RGS7: variants seen among roughly 807,000 people sequenced by gnomAD.
RGS7 encodes regulator of G-protein signaling 7.
In RGS7, 27 loss-of-function variants were observed where a neutral mutation model predicts 81.1. That is an observed-to-expected ratio of 0.33 (90% CI 0.25 to 0.46). The LOEUF (loss-of-function observed/expected upper bound fraction) is 0.46. Ranked by LOEUF, RGS7 falls within the 20% of genes least tolerant of loss-of-function variation. The probability of loss-of-function intolerance (pLI) is 1.00; values close to 1 mark genes in which losing one functional copy is unlikely to be tolerated. For missense variants in RGS7, 396 were observed against 607.4 expected (o/e 0.65, Z 3.66); for synonymous variants, 208 against 207.7 (o/e 1.00, Z -0.01).
intron 3 of RGS7, among the ~76,000 whole-genome samples, chr1:241,063,247 T>C (rs2061842125): frequency 6.6e-6 from 1 of 152,132 alleles, no homozygotes; most frequent in Admixed American, 6.5e-5. Flanking sequence ...AAATAGGAGT[T>C]CTAAGGGGCA....
At chr1:241,296,771 GC>G (rs538649915) in intron 2 of RGS7, among the ~76,000 whole-genome samples, 262 of 152,366 alleles carry the variant, frequency 1.7e-3, no homozygotes, top group African/African-American at 6.2e-3. Flanking sequence ...GGCTGCAGGT[GC>G]CTGCAAGCAC....
chr1:241,332,054 C>T (rs1019695833), intron 2 of RGS7, among the ~76,000 whole-genome samples: 1 of 152,174 alleles, frequency 6.6e-6, no homozygotes, highest in Non-Finnish European at 1.5e-5. Flanking sequence ...ACCTCTGTTA[C>T]AGTCTTTACA....
intron 2 of RGS7, among the ~76,000 whole-genome samples, chr1:241,260,233 G>A (rs549924514): frequency 2.2e-4 from 33 of 152,112 alleles, no homozygotes; most frequent in Admixed American, 6.5e-4. Context: ...ATTGCTTCTC[G>A]TAGGGAACTC....
At chr1:240,939,489 T>A (rs1418238662) in intron 4 of RGS7, among the ~76,000 whole-genome samples, 2 of 152,194 alleles carry the variant, frequency 1.3e-5, no homozygotes, top group African/African-American at 4.8e-5. Flanking sequence ...TAAGAGGATC[T>A]AGAAAGATAG....
At chr1:240,952,220 A>C (rs1679680147) in intron 4 of RGS7, among the ~76,000 whole-genome samples, 1 of 152,142 alleles carries the variant, frequency 6.6e-6, no homozygotes, top group Non-Finnish European at 1.5e-5. Flanking sequence ...GAAGAAATAA[A>C]GGTAAAACAA....
chr1:241,156,630 C>A (rs913738781), intron 2 of RGS7, among the ~76,000 whole-genome samples: 4 of 151,394 alleles, frequency 2.6e-5, no homozygotes, highest in Non-Finnish European at 5.9e-5. Context: ...ATCCCTTCAC[C>A]GAAGACTTGT....
At chr1:241,246,328 T>C (rs1202521003) in intron 2 of RGS7, among the ~76,000 whole-genome samples, 2 of 152,074 alleles carry the variant, frequency 1.3e-5, no homozygotes, top group African/African-American at 2.4e-5. Context: ...TTTCCACTTG[T>C]CATATATATA....
intron 2 of RGS7, among the ~76,000 whole-genome samples, chr1:241,337,377 T>C (rs191617402): frequency 2.6e-5 from 4 of 152,234 alleles, no homozygotes; most frequent in South Asian, 4.2e-4. Flanking sequence ...CCAGAGTATA[T>C]TGCTGTAGCA....
intron 5 of RGS7, among the ~76,000 whole-genome samples, chr1:240,934,026 C>G (rs1299245796): frequency 1.3e-5 from 2 of 152,074 alleles, no homozygotes; most frequent in Non-Finnish European, 2.9e-5. Flanking sequence ...TGCAGTGGCA[C>G]CATCTTGGCT....
intron 2 of RGS7, among the ~76,000 whole-genome samples, chr1:241,307,076 G>A (rs1484122544): frequency 6.6e-6 from 1 of 152,192 alleles, no homozygotes; most frequent in Admixed American, 6.5e-5. Flanking sequence ...AGATTCTATT[G>A]TATTTCCCAT....
intron 6 of RGS7, among the ~76,000 whole-genome samples, chr1:240,897,960 G>A (rs1456329297): frequency 6.6e-6 from 1 of 152,072 alleles, no homozygotes; most frequent in Non-Finnish European, 1.5e-5. Flanking sequence ...CAATTTCAAA[G>A]CCTGTTATTG....
chr1:241,078,725 C>A (rs2062968300), intron 3 of RGS7, among the ~76,000 whole-genome samples: 1 of 152,176 alleles, frequency 6.6e-6, no homozygotes, highest in South Asian at 2.1e-4. Flanking sequence ...TAAATTAATA[C>A]ATTTAAGGAA....
chr1:241,139,955 A>G (rs937303421), intron 2 of RGS7, among the ~76,000 whole-genome samples: 2 of 152,188 alleles, frequency 1.3e-5, no homozygotes, highest in African/African-American at 2.4e-5. Flanking sequence ...CTTTTAGAGA[A>G]TGGCACCCAA....
At chr1:240,798,546 T>G (rs1026942833) in intron 18 of RGS7, among the ~76,000 whole-genome samples, 1 of 152,106 alleles carries the variant, frequency 6.6e-6, no homozygotes, top group African/African-American at 2.4e-5. Context: ...TCCGTGGAAA[T>G]AGCACTGGGG....
chr1:241,162,222 G>GCGACCCCCCCCCGCCCC (rs68166816), intron 2 of RGS7, among the ~76,000 whole-genome samples: 1 of 142,028 alleles, frequency 7.0e-6, no homozygotes, highest in Admixed American at 7.0e-5. Flanking sequence ...CTGGTGATCA[G>GCGACCCCCCCCCGCCCC]CTTCCAAATA....
Position 241,133,374 on chromosome 1 carries a change from CA to C in RGS7, c.79-34613del, listed in dbSNP as rs796217186. 2.9e-3 allele frequency among the ~76,000 whole-genome samples: 381 copies of C among 132,296 alleles called. 2 individuals carry two copies. The highest frequency in any genetic ancestry group is 8.0e-3 in the African/African-American group (287 of 35,926). 86.8% of individuals were successfully genotyped at this position (132,296 alleles called of 152,430 possible). On this transcript the variant is annotated intron_variant, in intron 2 of 18. Transcript: ENST00000440928. ...TTAATGGGATGTATAAGTCTAAGGGCAAAAAAAAAAGAAAAGGTCTGAAAGC... is the reference window on the plus strand; with the variant it reads ...TTAATGGGATGTATAAGTCTAAGGGCAAAAAAAAAGAAAAGGTCTGAAAGC...
rs879634314 is a variant in RGS7, at chr1:240,784,475, C to CA, written c.*7-8263dup. Among the ~76,000 whole-genome samples the CA allele has an allele frequency of 3.7e-3, 535 of 143,132 alleles. 1 individual carries two copies. The highest frequency in any genetic ancestry group is 7.3e-3 in the African/African-American group (285 of 39,026). 93.9% of individuals were successfully genotyped at this position (143,132 alleles called of 152,430 possible). A position where few individuals can be genotyped will look rare whatever the true frequency, so the allele number is the denominator to read the frequency against. On this transcript the variant is annotated intron_variant, in intron 18 of 18. Coordinates refer to ENST00000440928, the MANE Select transcript of RGS7 (RefSeq NM_001364886.1). Reference sequence around the variant, plus strand: ...CTAACACAGTGAAACCTCGTCTCTACAAAAAAAAAATACAAAAAGAATTAG... The same window carrying CA: ...CTAACACAGTGAAACCTCGTCTCTACAAAAAAAAAAATACAAAAAGAATTAG...
intron 2 of RGS7, among the ~76,000 whole-genome samples, chr1:241,159,298 G>C (rs979665364): frequency 6.6e-6 from 1 of 152,060 alleles, no homozygotes; most frequent in Non-Finnish European, 1.5e-5. Flanking sequence ...TCACCCACCT[G>C]TCTTCCTACA....
At chr1:240,827,864 CAAAAAAAAAAA>C (rs57562408) in intron 9 of RGS7, among the ~76,000 whole-genome samples, 4 of 52,868 alleles carry the variant, frequency 7.6e-5, no homozygotes, top group South Asian at 2.2e-3. Context: ...AACTCCATTG[CAAAAAAAAAAA>C]AAAAAAAAAA....
Sources: allele counts gnomAD v4.1 joint callset (sites outside exome capture counted in the v4.1 genomes callset), GRCh38; gene constraint gnomAD v4.1.1; transcripts MANE v1.5; gene names NCBI Gene and HGNC (gene_info 2026-07-23, HGNC 2026-07-21).